Variants in AP2A2 observed in about 807,000 individuals in gnomAD.
AP2A2 encodes the protein adaptor related protein complex 2 subunit alpha 2.
AP2A2 carries 32 observed loss-of-function variants against 104.2 expected under a neutral mutation model. That is an observed-to-expected ratio of 0.31 (90% CI 0.23 to 0.41). The LOEUF (loss-of-function observed/expected upper bound fraction) is 0.41. AP2A2 is among the 10% of genes least tolerant of loss of function. The pLI, the probability that AP2A2 is intolerant of heterozygous loss-of-function variation, is 1.00. For synonymous variants in AP2A2, 539 were observed against 533.3 expected (o/e 1.01, Z -0.15); for missense variants, 912 against 1,261.0 (o/e 0.72, Z 4.19).
chr11:988,240 A>G (rs546410650), intron 9 of AP2A2, among the ~76,000 whole-genome samples: 2 of 152,202 alleles, frequency 1.3e-5, no homozygotes, highest in Non-Finnish European at 2.9e-5. Flanking sequence ...TGCACCAGGC[A>G]GTGCGCTCAG....
intron 14 of AP2A2, among the ~76,000 whole-genome samples, chr11:999,775 G>GCAGTAA (rs1391029583): frequency 1.3e-5 from 2 of 151,602 alleles, no homozygotes; most frequent in Non-Finnish European, 2.9e-5. Context: ...TGGACAGTTG[G>GCAGTAA]CAGTAACATG....
intron 8 of AP2A2, among the ~76,000 whole-genome samples, chr11:986,552 G>A (rs1855464046): frequency 6.6e-6 from 1 of 152,232 alleles, no homozygotes; most frequent in African/African-American, 2.4e-5. Context: ...CACACGGGCT[G>A]CTGACTCACT....
At chr11:930,813 C>T (rs1054355691) in intron 1 of AP2A2, among the ~76,000 whole-genome samples, 12 of 152,224 alleles carry the variant, frequency 7.9e-5, no homozygotes, top group Admixed American at 2.0e-4. Flanking sequence ...AGCCACTGTG[C>T]CTGGTGCCCT....
At chr11:969,855 G>A (rs570111683) in intron 2 of AP2A2, among the ~76,000 whole-genome samples, 1 of 152,224 alleles carries the variant, frequency 6.6e-6, no homozygotes, top group Non-Finnish European at 1.5e-5. Context: ...TTGGCTGGTC[G>A]GAGTGAGGCC....
At chr11:960,888 A>G (rs1213726846) in intron 2 of AP2A2, among the ~76,000 whole-genome samples, 1 of 151,908 alleles carries the variant, frequency 6.6e-6, no homozygotes, top group African/African-American at 2.4e-5. Context: ...CGAACTCCCA[A>G]CCTCAGGTGA....
At chr11:949,548 G>A (rs912607236) in intron 1 of AP2A2, among the ~76,000 whole-genome samples, 2 of 152,080 alleles carry the variant, frequency 1.3e-5, no homozygotes, top group East Asian at 1.9e-4. Flanking sequence ...AGGCCGAGGC[G>A]GGTGGATCAC....
chr11:993,240 C>T lies in AP2A2; in HGVS notation c.1453-44C>T, dbSNP rs370283708. The T allele has an allele frequency of 6.5e-7, 1 of 1,531,006 alleles. No homozygotes were observed. The highest frequency in any genetic ancestry group is 8.9e-7 in the Non-Finnish European group (1 of 1,128,906). The allele number at this position is 1,531,006 out of a possible 1,614,324, so 94.8% of individuals were successfully genotyped here. A position where few individuals can be genotyped will look rare whatever the true frequency, so the allele number is the denominator to read the frequency against. ...AGGACGTGCCCGCCTCGCCTTAACTCTGGCACCTGGCTGCCACCCCGGCTC... is the reference window on the plus strand; with the variant it reads ...AGGACGTGCCCGCCTCGCCTTAACTTTGGCACCTGGCTGCCACCCCGGCTC... On this transcript the variant is annotated intron_variant, in intron 11 of 21. Coordinates refer to ENST00000448903, the MANE Select transcript of AP2A2 (RefSeq NM_012305.4). The surrounding 1 kb of genome is among the most constrained non-coding windows in gnomAD (Gnocchi z 8.2).
Position 994,054 on chromosome 11 carries a change from C to T in AP2A2, c.1783-18C>T. On this transcript the variant is annotated intron_variant, in intron 13 of 21. Transcript: ENST00000448903. ...AGGCCAGGAGCTCTGACCAGTCCCACCCTGTGTTCTTTCCAAGGCGACCGT... is the reference window on the plus strand; with the variant it reads ...AGGCCAGGAGCTCTGACCAGTCCCATCCTGTGTTCTTTCCAAGGCGACCGT... The T allele has an allele frequency of 6.2e-7, 1 of 1,612,086 alleles. No individual in the cohort carries two copies. The highest frequency in any genetic ancestry group is 8.5e-7 in the Non-Finnish European group (1 of 1,179,436).
chr11:972,121 C>T lies in AP2A2; in HGVS notation c.339C>T (p.Asn113=), dbSNP rs1854851999. 1.2e-6 allele frequency: 2 copies of T among 1,613,690 alleles called. No homozygotes were observed. The highest frequency in any genetic ancestry group is 2.2e-5 in the South Asian group (2 of 91,064). ...ACAGTGAGCTGATCCGCCTGATCAA[C>T]AACGCCATCAAGAATGACCTGGCCA... ...NSNSELIRLI[N]NAIKNDLASR... The change falls in exon 4 of 22, where the codon AAC becomes AAT. Residue 113 remains asparagine, a synonymous_variant. Transcript: ENST00000448903.
chr11:957,982 G>A (rs998945424), intron 1 of AP2A2, among the ~76,000 whole-genome samples: 4 of 152,232 alleles, frequency 2.6e-5, no homozygotes, highest in Admixed American at 2.0e-4. Flanking sequence ...GCATCAGTCC[G>A]TCTTTAAGGT....
chr11:990,407 G>T (rs1855606278), intron 10 of AP2A2, among the ~76,000 whole-genome samples: 1 of 152,190 alleles, frequency 6.6e-6, no homozygotes. Context: ...GGTGGGGCTG[G>T]CTCTGGGGAC....
chr11:945,395 A>G (rs1050654328), intron 1 of AP2A2, among the ~76,000 whole-genome samples: 7 of 152,112 alleles, frequency 4.6e-5, no homozygotes, highest in Non-Finnish European at 5.9e-5. Context: ...GTGCAGTGGT[A>G]TGATCTCAGC....
rs962303811 is a variant in AP2A2, at chr11:934,765, C to T, written c.67+8677C>T. Reference sequence around the variant, plus strand: ...AGAACTTTGAGCTCCTTAGGGCAGGCGGCACTGTATTAGGATTTATGTTTT... The same window carrying T: ...AGAACTTTGAGCTCCTTAGGGCAGGTGGCACTGTATTAGGATTTATGTTTT... On this transcript the variant is annotated intron_variant, in intron 1 of 21. Transcript: ENST00000448903. Among the ~76,000 whole-genome samples the T allele has an allele frequency of 7.9e-5, 12 of 152,030 alleles. No individual in the cohort carries two copies. The South Asian group carries it at 1.0e-3, about 13-fold the overall frequency.
intron 2 of AP2A2, among the ~76,000 whole-genome samples, chr11:966,088 C>G (rs1287832738): frequency 1.3e-5 from 2 of 152,236 alleles, no homozygotes; most frequent in Admixed American, 1.3e-4. Context: ...ACTCACCCAC[C>G]TCAAGTGAAT....
At position 981,248 on chromosome 11, in the gene AP2A2, C is replaced by T. The variant is rs1855226987; in HGVS notation, c.654C>T (p.Asn218=). ...TGATCACCACTTTAGCACAGAAGAACCCAGAAGAGTTTAAAACCTCCGTGT... is the reference window on the plus strand; with the variant it reads ...TGATCACCACTTTAGCACAGAAGAATCCAGAAGAGTTTAAAACCTCCGTGT... The part of the protein sequence containing the change: ...TSLITTLAQK[N]PEEFKTSVSL... Residue 218 remains asparagine, a synonymous_variant, in exon 6 of 22, where the codon AAC becomes AAT. Transcript: ENST00000448903. 2 of 1,613,580 alleles carry T rather than the reference C, an allele frequency of 1.2e-6. No homozygotes were observed. The highest frequency in any genetic ancestry group is 1.3e-5 in the African/African-American group (1 of 74,924).
chr11:1,008,034 C>G lies in AP2A2; in HGVS notation c.2319C>G (p.Pro773=), dbSNP rs369597745. The G allele has an allele frequency of 1.9e-6, 3 of 1,563,956 alleles. No homozygotes were observed. Among genetic ancestry groups the G allele is most frequent in the South Asian group, 2.4e-5 (2 of 84,918 alleles). The change falls in exon 18 of 22, where the codon CCC becomes CCG. Residue 773 remains proline (P), a synonymous_variant. Transcript: ENST00000448903. ...LQPNLNLQTK[P]VDPTVEGGAQ... ...CACACCTGAACCTGCAGACCAAGCCCGTGGACCCGACCGTGGAGGGGGGCG... is the reference window on the plus strand; with the variant it reads ...CACACCTGAACCTGCAGACCAAGCCGGTGGACCCGACCGTGGAGGGGGGCG...
intron 2 of AP2A2, among the ~76,000 whole-genome samples, chr11:963,471 C>T (rs150881112): frequency 6.6e-6 from 1 of 152,130 alleles, no homozygotes; most frequent in African/African-American, 2.4e-5. Context: ...TTATTTTATA[C>T]CAGGTCTTTG....
intron 8 of AP2A2, 150 bp from the exon 9 acceptor site, chr11:986,635 C>A: frequency 2.1e-6 from 2 of 959,138 alleles, no homozygotes; most frequent in Non-Finnish European, 3.1e-6. Context: ...TCTGGGGAGG[C>A]CCCCGAGTTC....
At chr11:1,001,064 C>T (rs1261608853) in intron 15 of AP2A2, among the ~76,000 whole-genome samples, 1 of 152,216 alleles carries the variant, frequency 6.6e-6, no homozygotes, top group Non-Finnish European at 1.5e-5. Context: ...TTGCTAAGTC[C>T]TTCTGTGAGG....
Sources: gnomAD v4.1 joint callset for allele counts (sites outside exome capture counted in the v4.1 genomes callset) on GRCh38, gnomAD v4.1.1 for gene constraint, Gnocchi (gnomAD v3.1) non-coding constraint, MANE v1.5 for transcripts, NCBI Gene and HGNC (gene_info 2026-07-23, HGNC 2026-07-21) for gene names.